The following CDH8 variants were observed in gnomAD, a reference collection of about 807,000 sequenced individuals.
The protein encoded by CDH8 is cadherin 8, also known as cadherin-8.
In CDH8, 17 loss-of-function variants were observed where a neutral mutation model predicts 68.1. The ratio of observed to expected loss-of-function variants is 0.25; its 90% CI spans 0.17 to 0.37. The LOEUF (loss-of-function observed/expected upper bound fraction) is 0.37. Among genes scored for constraint, CDH8 ranks in the 10% least tolerant of loss-of-function variants. CDH8 has a pLI of 1.00. For synonymous variants in CDH8, 372 were observed against 365.1 expected (o/e 1.02, Z -0.21); for missense variants, 763 against 999.3 (o/e 0.76, Z 3.19).
intron 3 of CDH8, among the ~76,000 whole-genome samples, chr16:61,889,292 C>T (rs6498811): frequency 0.54 from 82,108 of 151,992 alleles, 24,575 homozygotes; most frequent in African/African-American, 0.82. Flanking sequence ...TCTATGATTG[C>T]TAATTAGCCA....
chr16:61,705,792 C>T (rs561110554), intron 10 of CDH8, among the ~76,000 whole-genome samples: 1 of 152,260 alleles, frequency 6.6e-6, no homozygotes, highest in African/African-American at 2.4e-5. Flanking sequence ...TGTGATAATT[C>T]CCACAAAATC....
intron 2 of CDH8, among the ~76,000 whole-genome samples, chr16:61,920,639 C>A (rs1265409203): frequency 3.2e-5 from 1 of 31,588 alleles, no homozygotes; most frequent in Non-Finnish European, 6.4e-5. Flanking sequence ...AATAGGAACA[C>A]TTTTACACTG....
intron 4 of CDH8, 25 bp downstream of exon 4, chr16:61,857,094 A>G (rs753616340): frequency 6.2e-6 from 10 of 1,612,622 alleles, no homozygotes; most frequent in East Asian, 4.5e-5. Context: ...CATGGCAAAT[A>G]TAATTCGAAA....
At chr16:61,852,897 TCTTC>T (rs61658186) in intron 4 of CDH8, among the ~76,000 whole-genome samples, 27 of 121,266 alleles carry the variant, frequency 2.2e-4, no homozygotes, top group Non-Finnish European at 3.5e-4. Context: ...TTCCTTCCAT[TCTTC>T]CTTCCTTCCT....
chr16:61,952,374 C>G (rs2143593070), intron 2 of CDH8, among the ~76,000 whole-genome samples: 1 of 152,214 alleles, frequency 6.6e-6, no homozygotes, highest in Non-Finnish European at 1.5e-5. Flanking sequence ...TTACTTATGG[C>G]ATTTGTGTTG....
chr16:61,807,535 T>A (rs886674957), intron 7 of CDH8, among the ~76,000 whole-genome samples: 1 of 152,078 alleles, frequency 6.6e-6, no homozygotes. Flanking sequence ...TCAGTAAAAT[T>A]ACTTCATTAC....
At chr16:61,754,771 CTTATATT>C (rs1260573131) in intron 8 of CDH8, among the ~76,000 whole-genome samples, 5 of 151,868 alleles carry the variant, frequency 3.3e-5, no homozygotes, top group African/African-American at 1.2e-4. Context: ...TTAATTTCAA[CTTATATT>C]TTATTTTATG....
chr16:61,705,168 A>G (rs1217673025), intron 10 of CDH8, among the ~76,000 whole-genome samples: 1 of 152,228 alleles, frequency 6.6e-6, no homozygotes, highest in Non-Finnish European at 1.5e-5. Context: ...TTGGTGGTAC[A>G]TTAGCGAACA....
At chr16:61,887,691 A>G (rs74023284) in intron 3 of CDH8, among the ~76,000 whole-genome samples, 3,637 of 152,212 alleles carry the variant, frequency 0.024, 144 homozygotes, top group African/African-American at 0.083. Flanking sequence ...ACAGTCTGAG[A>G]TACTAAGAGT....
chr16:61,866,317 A>G (rs989007109), intron 3 of CDH8, among the ~76,000 whole-genome samples: 3 of 152,284 alleles, frequency 2.0e-5, no homozygotes, highest in African/African-American at 4.8e-5. Flanking sequence ...TATATACTAT[A>G]TGCCAAGCAC....
intron 2 of CDH8, among the ~76,000 whole-genome samples, chr16:61,946,988 G>A (rs1172707788): frequency 1.3e-5 from 2 of 152,086 alleles, no homozygotes; most frequent in Admixed American, 6.6e-5. Context: ...ACTAAGATTG[G>A]CAAAACTGTT....
chr16:61,934,224 G>GT (rs1964591844), intron 2 of CDH8: 1 of 152,138 alleles, frequency 6.6e-6, no homozygotes, highest in Non-Finnish European at 1.5e-5. Flanking sequence ...CTTGGGAAAG[G>GT]TAAGTAGCAA....
intron 2 of CDH8, among the ~76,000 whole-genome samples, chr16:61,909,626 ACCT>A (rs1184424441): frequency 6.6e-6 from 1 of 152,012 alleles, no homozygotes; most frequent in East Asian, 1.9e-4. Context: ...AAGTCTGAAG[ACCT>A]CCTGATTCTC....
At chr16:61,987,337 G>C (rs2136646) in intron 2 of CDH8, among the ~76,000 whole-genome samples, 94,069 of 151,662 alleles carry the variant, frequency 0.62, 29,467 homozygotes, top group East Asian at 0.75. Flanking sequence ...ACTCCCATCT[G>C]TACCAAAAAT....
intron 8 of CDH8, among the ~76,000 whole-genome samples, chr16:61,740,803 T>C (rs1959850755): frequency 6.6e-6 from 1 of 152,154 alleles, no homozygotes; most frequent in East Asian, 1.9e-4. Context: ...GGTGGGCATT[T>C]GGGTTCTTTC....
chr16:61,881,693 C>T (rs1963581433), intron 3 of CDH8, among the ~76,000 whole-genome samples: 1 of 152,132 alleles, frequency 6.6e-6, no homozygotes, highest in African/African-American at 2.4e-5. Context: ...AGCATTTTAT[C>T]CTTTCACATA....
intron 2 of CDH8, among the ~76,000 whole-genome samples, chr16:61,974,975 TC>T (rs1348650988): frequency 1.6e-4 from 25 of 152,310 alleles, no homozygotes; most frequent in African/African-American, 4.6e-4. Flanking sequence ...AGTTTATGAT[TC>T]TTTCTGACAT....
chr16:61,712,753 T>A (rs1370331599), intron 10 of CDH8, among the ~76,000 whole-genome samples: 1 of 151,690 alleles, frequency 6.6e-6, no homozygotes, highest in Non-Finnish European at 1.5e-5. Flanking sequence ...AATATCTATA[T>A]AACAACTGTC....
intron 6 of CDH8, 29 bp from the exon 7 acceptor site, chr16:61,817,761 T>C (rs1962114826): frequency 6.5e-7 from 1 of 1,532,690 alleles, no homozygotes; most frequent in Admixed American, 2.2e-5. Context: ...GATAAATGCT[T>C]CTCACTAATG....
Sources: gnomAD v4.1 joint callset for allele counts (sites outside exome capture counted in the v4.1 genomes callset) on GRCh38, gnomAD v4.1.1 for gene constraint, MANE v1.5 for transcripts, NCBI Gene and HGNC (gene_info 2026-07-23, HGNC 2026-07-21) for gene names.